The following POLR1F variants were observed in gnomAD, a reference collection of about 807,000 sequenced individuals.
POLR1F encodes RNA polymerase I subunit F.
POLR1F carries 23 observed loss-of-function variants against 21.8 expected under a neutral mutation model. The ratio of observed to expected loss-of-function variants is 1.05; its 90% CI spans 0.76 to 1.49. The LOEUF is 1.49. Ranked by LOEUF, POLR1F falls within the 40% of genes most tolerant of loss-of-function variation. POLR1F has a pLI of 0.00. For synonymous variants in POLR1F, 162 were observed against 152.8 expected, an observed-to-expected ratio of 1.06 and a Z score of -0.45; for missense variants, 435 against 412.1, an observed-to-expected ratio of 1.06 and a Z score of -0.48.
At chr7:19,700,016 T>C (rs1305303534) in intron 3 of POLR1F, 56 bp downstream of exon 3, 5 of 1,415,046 alleles carry the variant, frequency 3.5e-6, no homozygotes, top group Non-Finnish European at 5.0e-6. Flanking sequence ...CTCTTTAAAA[T>C]TCAGAATTAA....
In POLR1F at chr7:19,700,264, A is replaced by C. The variant is rs1449086333; in HGVS notation, c.413T>G (p.Val138Gly). Residue 138 changes from valine to glycine, a missense_variant, in exon 3 of 4, where the codon GTG (valine) becomes GGG (glycine). Val to Gly is a moderately radical substitution (Grantham distance 109). Transcript: ENST00000222567. ...GQKLMGIVNK[V>G]SSSHIGCLVH... is the part of the protein sequence containing the mutation. ...TAAACAGCCAATGTGGCTAGAAGAC[A>C]CTTTATTAACTATACCCTGGGAAGA... The C allele has an allele frequency of 6.2e-7, 1 of 1,613,434 alleles. No individual in the cohort carries two copies. The highest frequency in any genetic ancestry group is 8.5e-7 in the Non-Finnish European group (1 of 1,179,460).
Position 19,709,007 on chromosome 7 carries a change from C to T in POLR1F, c.10G>A (p.Gly4Ser). ...GCTGGCCGCGGCGCCTCTGAGCAAC[C>T]TGCAGCCATGCTGCTTGTCAAGGTT... MAA[G>S]CSEAPRPAAA... The change falls in exon 1 of 4, where the codon GGT (glycine) becomes AGT (serine). Residue 4 changes from glycine (G) to serine (S), a missense_variant. Gly to Ser is a moderately conservative substitution (Grantham distance 56, BLOSUM62 0). Transcript: ENST00000222567. The T allele has an allele frequency of 6.3e-7, 1 of 1,583,472 alleles. No individual in the cohort carries two copies. The highest frequency in any genetic ancestry group is 1.1e-5 in the South Asian group (1 of 90,490).
At chr7:19,704,946 A>T in intron 1 of POLR1F, 26 bp from the exon 2 acceptor site, 3 of 1,545,114 alleles carry the variant, frequency 1.9e-6, no homozygotes, top group Non-Finnish European at 1.7e-6. Flanking sequence ...GTTGAAAATG[A>T]TACCTTTTAT....
chr7:19,701,913 C>G (rs1457755106), intron 2 of POLR1F, among the ~76,000 whole-genome samples: 1 of 152,062 alleles, frequency 6.6e-6, no homozygotes, highest in Non-Finnish European at 1.5e-5. Flanking sequence ...AGTGACAAAC[C>G]TCTCTCGGTG....
At chr7:19,707,955 G>A (rs1002028532) in intron 1 of POLR1F, among the ~76,000 whole-genome samples, 8 of 152,094 alleles carry the variant, frequency 5.3e-5, no homozygotes, top group Non-Finnish European at 1.0e-4. Context: ...GGGCAATCAT[G>A]AATCCCTAGA....
chr7:19,704,803 G>T lies in POLR1F; in HGVS notation c.372C>A (p.Cys124Ter). The T allele has an allele frequency of 6.2e-7, 1 of 1,606,642 alleles. No individual in the cohort carries two copies. The highest frequency in any genetic ancestry group is 8.5e-7 in the Non-Finnish European group (1 of 1,177,856). ...LNIEADFVIF[C>*]PEPGQKLMGI... is the part of the protein sequence containing the mutation. ...CCATAAGCTTCTGCCCTGGTTCAGG[G>T]CAGAAAATAACAAAATCGGCTTCAA... The change falls in exon 2 of 4, where the codon TGC (cysteine) becomes TGA (stop). Residue 124 changes from cysteine to a stop codon, truncating the protein, a stop_gained. Coordinates refer to ENST00000222567, the MANE Select transcript of POLR1F (RefSeq NM_001002926.2). LOFTEE classifies it high-confidence loss of function.
rs770043191 is a variant in POLR1F, at chr7:19,708,716, C to T, written c.254+47G>A. The stretch of plus-strand genomic sequence containing the variant: ...GCTGCGTCGTCAGCACATCCACCTG[C>T]TTTACTTCCCGTGCACAAAAGAAGG... On this transcript the variant is annotated intron_variant, in intron 1 of 3. Transcript: ENST00000222567. 13 of 1,574,666 alleles carry T rather than the reference C, an allele frequency of 8.3e-6. No homozygotes were observed. In the Middle Eastern group the frequency reaches 5.1e-4, roughly 61 times the overall value.
chr7:19,703,074 C>G (rs1038300766), intron 2 of POLR1F, among the ~76,000 whole-genome samples: 1 of 152,090 alleles, frequency 6.6e-6, no homozygotes, highest in African/African-American at 2.4e-5. Flanking sequence ...TGGAATCAAT[C>G]CATCAATGAA....
rs376366064 is a variant in POLR1F at position 19,708,985 on chromosome 7, G to C, written c.32C>G (p.Pro11Arg). ...CAGAGACCCATCAGAAGCCGCCGCT[G>C]GCCGCGGCGCCTCTGAGCAACCTGC... Reference protein sequence around the residue: MAAGCSEAPRPAAASDGSLVG... With the variant: MAAGCSEAPRRAAASDGSLVG... Residue 11 changes from proline (P) to arginine (R), a missense_variant, in exon 1 of 4, where the codon CCA becomes CGA. Pro to Arg is a moderately radical substitution (Grantham distance 103). Transcript: ENST00000222567. 96 of 1,595,494 alleles carry C rather than the reference G, an allele frequency of 6.0e-5. 1 individual carries two copies. The highest frequency in any genetic ancestry group is 1.7e-4 in the African/African-American group (13 of 74,548).
At chr7:19,708,544 C>G (rs1252045997) in intron 1 of POLR1F, among the ~76,000 whole-genome samples, 1 of 152,154 alleles carries the variant, frequency 6.6e-6, no homozygotes, top group Non-Finnish European at 1.5e-5. Context: ...TGAACTTCAT[C>G]TTTAAGTTTT....
chr7:19,708,452 A>T (rs962373874), intron 1 of POLR1F, among the ~76,000 whole-genome samples: 3 of 152,214 alleles, frequency 2.0e-5, no homozygotes, highest in Non-Finnish European at 4.4e-5. Context: ...AACTGGGCCT[A>T]CTAGGTCTCC....
rs771451132 is a variant in POLR1F at position 19,695,779 on chromosome 7, T to A, written c.*2537A>T. On this transcript the variant is annotated 3_prime_UTR_variant, in exon 4 of 4. Coordinates refer to ENST00000222567, the MANE Select transcript of POLR1F (RefSeq NM_001002926.2). ...GGTGCCTGAGGTCTTTTACATTAGATAACTTCTTAGTCCTCTGTCAGGTTC... is the reference window on the plus strand; with the variant it reads ...GGTGCCTGAGGTCTTTTACATTAGAAAACTTCTTAGTCCTCTGTCAGGTTC... The A allele has an allele frequency of 6.6e-6, 1 of 152,174 alleles. No individual in the cohort carries two copies. Among genetic ancestry groups the A allele is most frequent in the Non-Finnish European group, 1.5e-5 (1 of 67,990 alleles). 9.4% of individuals were successfully genotyped at this position (152,174 alleles called of 1,614,324 possible). A position where few individuals can be genotyped will look rare whatever the true frequency, so the allele number is the denominator to read the frequency against.
At chr7:19,699,973 G>A in intron 3 of POLR1F, 99 bp downstream of exon 3, 1 of 970,906 alleles carries the variant, frequency 1.0e-6, no homozygotes, top group Non-Finnish European at 1.5e-6. Flanking sequence ...TATTTTTAGA[G>A]AGGCTTATTC....
Position 19,702,072 on chromosome 7 carries a change from T to C in POLR1F, c.397-1792A>G, listed in dbSNP as rs150464521. On this transcript the variant is annotated intron_variant, in intron 2 of 3. Transcript: ENST00000222567. ...AGGAGCAATACCTCAATAAATGCCATGACACATTTGTGGAAACTCATAGAA... is the reference window on the plus strand; with the variant it reads ...AGGAGCAATACCTCAATAAATGCCACGACACATTTGTGGAAACTCATAGAA... Among the ~76,000 whole-genome samples, 1,362 of 152,232 alleles carry C rather than the reference T, an allele frequency of 8.9e-3. 25 individuals carry two copies. Among genetic ancestry groups the C allele is most frequent in the African/African-American group, 0.031 (1,292 of 41,538 alleles).
In POLR1F at chr7:19,698,503, T is replaced by C. The variant is rs1783404206; in HGVS notation, c.830A>G (p.Lys277Arg). 6.2e-7 allele frequency: 1 copy of C among 1,607,530 alleles called. No individual in the cohort carries two copies. Residue 277 changes from lysine (K) to arginine (R), a missense_variant, in exon 4 of 4, where the codon AAA becomes AGA. By Grantham distance (26) the Lys-to-Arg change is conservative (BLOSUM62 2). Coordinates refer to ENST00000222567, the MANE Select transcript of POLR1F (RefSeq NM_001002926.2). ...CTGGTGCTTTTTCTTCTTCTTCTTT[T>C]TCTTTGGCTCCTCCTCCCAGATGCC... ...ANGIWEEEPK[K>R]KKKKKKHQEV...
Position 19,697,423 on chromosome 7 carries a change from A to G in POLR1F, c.*893T>C, listed in dbSNP as rs1254514678. Reference sequence around the variant, plus strand: ...CCAGCTTCAACCAGCTTGTCATTTCATTACACTTTGTCAATTAGTCAAGAG... The same window carrying G: ...CCAGCTTCAACCAGCTTGTCATTTCGTTACACTTTGTCAATTAGTCAAGAG... On this transcript the variant is annotated 3_prime_UTR_variant, in exon 4 of 4. Transcript: ENST00000222567. 1 of 152,156 alleles carries G rather than the reference A, an allele frequency of 6.6e-6. No individual in the cohort carries two copies. The highest frequency in any genetic ancestry group is 1.9e-4 in the East Asian group (1 of 5,206). The allele number at this position is 152,156 out of a possible 1,614,324, so 9.4% of individuals were successfully genotyped here. A position where few individuals can be genotyped will look rare whatever the true frequency, so the allele number is the denominator to read the frequency against.
In POLR1F at chr7:19,696,782, A is replaced by G. The variant is rs2128005673; in HGVS notation, c.*1534T>C. The stretch of plus-strand genomic sequence containing the variant: ...CACTATACCAAGACATATTGATTTC[A>G]CCAATATAAAAATTGAGATAGTTTA... On this transcript the variant is annotated 3_prime_UTR_variant, in exon 4 of 4. Coordinates refer to ENST00000222567, the MANE Select transcript of POLR1F (RefSeq NM_001002926.2). The G allele has an allele frequency of 6.6e-6, 1 of 152,216 alleles. No homozygotes were observed. Among genetic ancestry groups the G allele is most frequent in the East Asian group, 1.9e-4 (1 of 5,184 alleles). The allele number at this position is 152,216 out of a possible 1,614,324, so 9.4% of individuals were successfully genotyped here.
At chr7:19,704,718 G>A (rs1783493747) in intron 2 of POLR1F, 61 bp downstream of exon 2, 2 of 1,445,370 alleles carry the variant, frequency 1.4e-6, no homozygotes, top group Non-Finnish European at 1.9e-6. Context: ...CTCTTAAAAT[G>A]TTCCAAGTTA....
chr7:19,703,129 G>C (rs898367759), intron 2 of POLR1F, among the ~76,000 whole-genome samples: 2 of 152,092 alleles, frequency 1.3e-5, no homozygotes, highest in African/African-American at 4.8e-5. Flanking sequence ...TGAATACCAT[G>C]AGCAATAAAA....
Sources: allele counts gnomAD v4.1 joint callset (sites outside exome capture counted in the v4.1 genomes callset), GRCh38; gene constraint gnomAD v4.1.1; transcripts MANE v1.5; gene names NCBI Gene and HGNC (gene_info 2026-07-23, HGNC 2026-07-21).